TYW3: variants seen among roughly 807,000 people sequenced by gnomAD.
TYW3 encodes the protein tRNA wybutosine-synthesizing protein 3 homolog.
TYW3 carries 26 observed loss-of-function variants against 23.1 expected under a neutral mutation model. That is an observed-to-expected ratio of 1.13 (90% CI 0.83 to 1.56). TYW3 has a LOEUF of 1.56. Ranked by LOEUF, TYW3 falls within the 40% of genes most tolerant of loss-of-function variation. TYW3 has a pLI of 0.00. For missense variants in TYW3, 316 were observed against 311.9 expected, an observed-to-expected ratio of 1.01 and a Z score of -0.10; for synonymous variants, 102 against 105.7, an observed-to-expected ratio of 0.97 and a Z score of 0.21.
intron 3 of TYW3, 23 bp downstream of exon 3, chr1:74,738,811 C>T (rs1440977920): frequency 1.3e-6 from 2 of 1,579,828 alleles, no homozygotes; most frequent in Non-Finnish European, 8.7e-7. Flanking sequence ...TGTAATTGTA[C>T]TTGAATTTAT....
In TYW3 at chr1:74,748,830, A is replaced by T. The variant is rs1004107425; in HGVS notation, c.426+8A>T. 5 of 1,613,332 alleles carry T rather than the reference A, an allele frequency of 3.1e-6. No individual in the cohort carries two copies. The Admixed American group carries it at 8.3e-5, about 27-fold the overall frequency. On this transcript the variant is annotated splice_region_variant and intron_variant, in intron 4 of 5. Transcript: ENST00000370867. ...AGAGGAAAAACTATGTTGGTAAGAT[A>T]TTTTGTCAAAGAGTAATTTTTTTAG...
At chr1:74,753,745 A>G (rs1215542165) in intron 5 of TYW3, among the ~76,000 whole-genome samples, 1 of 152,216 alleles carries the variant, frequency 6.6e-6, no homozygotes, top group Non-Finnish European at 1.5e-5. Context: ...ATGGAGAATA[A>G]ACCTATAATC....
At chr1:74,736,766 A>G (rs1034702998) in intron 2 of TYW3, 144 bp downstream of exon 2, 3 of 628,238 alleles carry the variant, frequency 4.8e-6, no homozygotes, top group South Asian at 2.8e-5. Flanking sequence ...TTTCATTACA[A>G]TGGCTCTTTT....
chr1:74,733,213 G>A lies in TYW3; in HGVS notation c.-32G>A, dbSNP rs2024078295. 1 of 1,609,904 alleles carries A rather than the reference G, an allele frequency of 6.2e-7. No homozygotes were observed. On this transcript the variant is annotated 5_prime_UTR_variant, in exon 1 of 6. Transcript: ENST00000370867. Reference sequence around the variant, plus strand: ...CAGGGAGAGACGAGGCTACCATGAAGGAGCCGAGCGCAGACCCTGAGTCCG... The same window carrying A: ...CAGGGAGAGACGAGGCTACCATGAAAGAGCCGAGCGCAGACCCTGAGTCCG...
Position 74,764,086 on chromosome 1 carries a change from T to C in TYW3, c.753T>C (p.Asn251=), listed in dbSNP as rs758414252. 1.2e-6 allele frequency: 2 copies of C among 1,612,442 alleles called. No individual in the cohort carries two copies. Among genetic ancestry groups the C allele is most frequent in the Non-Finnish European group, 1.7e-6 (2 of 1,179,414 alleles). The change falls in exon 6 of 6, where the codon AAT becomes AAC. Residue 251 remains asparagine, a synonymous_variant. Coordinates refer to ENST00000370867, the MANE Select transcript of TYW3 (RefSeq NM_138467.3). ...ATGATGATGATGATCTAGGAATCAA[T>C]GTTACCATCTTCCCTGAAGATTACT... ...ENDDDDDLGI[N]VTIFPEDY is the part of the protein sequence containing the mutation.
intron 1 of TYW3, among the ~76,000 whole-genome samples, chr1:74,735,594 AATATAG>A (rs1417292411): frequency 6.6e-6 from 1 of 152,262 alleles, no homozygotes; most frequent in Admixed American, 6.5e-5. Context: ...GGATAAAGAA[AATATAG>A]ATAAGATGAA....
chr1:74,750,643 A>G (rs113978846), intron 4 of TYW3, among the ~76,000 whole-genome samples: 6,129 of 152,020 alleles, frequency 0.04, 204 homozygotes, highest in Non-Finnish European at 0.063. Flanking sequence ...TTTTGCATCT[A>G]CCTGTTTATG....
At chr1:74,734,646 C>G (rs1648075074) in intron 1 of TYW3, among the ~76,000 whole-genome samples, 1 of 152,076 alleles carries the variant, frequency 6.6e-6, no homozygotes, top group South Asian at 2.1e-4. Flanking sequence ...GGACATATCC[C>G]CTGAGGATAA....
At chr1:74,741,507 G>T (rs1648361642) in intron 3 of TYW3, among the ~76,000 whole-genome samples, 1 of 152,258 alleles carries the variant, frequency 6.6e-6, no homozygotes, top group South Asian at 2.1e-4. Flanking sequence ...ACCGAGTATG[G>T]TCCTTCCCAC....
intron 2 of TYW3, among the ~76,000 whole-genome samples, chr1:74,736,950 A>C (rs2100753709): frequency 6.6e-6 from 1 of 152,362 alleles, no homozygotes. Flanking sequence ...TGGAAAGAGA[A>C]GGGGATTAGC....
chr1:74,747,923 A>G (rs189534589), intron 3 of TYW3, among the ~76,000 whole-genome samples: 69 of 152,072 alleles, frequency 4.5e-4, no homozygotes, highest in African/African-American at 1.6e-3. Context: ...GTATATACAT[A>G]TATACATATA....
At position 74,736,534 on chromosome 1, in the gene TYW3, T is replaced by G; in HGVS notation, c.175-8T>G. 9 of 1,574,908 alleles carry G rather than the reference T, an allele frequency of 5.7e-6. No homozygotes were observed. The highest frequency in any genetic ancestry group is 7.8e-6 in the Non-Finnish European group (9 of 1,160,752). ...ATGAAACTTAAATTATGTTATTTTT[T>G]ATTTTAGGGTATAAATGGTTTTGAG... is the stretch of plus-strand genomic sequence containing the variant. On this transcript the variant is annotated splice_region_variant and splice_polypyrimidine_tract_variant and intron_variant, in intron 1 of 5. Coordinates refer to ENST00000370867, the MANE Select transcript of TYW3 (RefSeq NM_138467.3).
chr1:74,736,615 A>T lies in TYW3; in HGVS notation c.248A>T (p.Asp83Val). Reference protein sequence around the residue: ...LLVTHKLCVKDDVIVALKKAN... With the variant: ...LLVTHKLCVKVDVIVALKKAN... ...GTTACACACAAACTTTGTGTAAAAG[A>T]TGATGTGGTAAGTTTTAAAAAATAA... Residue 83 changes from aspartate to valine, a missense_variant, in exon 2 of 6, where the codon GAT becomes GTT. By Grantham distance (152) the Asp-to-Val change is radical. Transcript: ENST00000370867. 6.3e-7 allele frequency: 1 copy of T among 1,597,140 alleles called. No homozygotes were observed. The highest frequency in any genetic ancestry group is 8.5e-7 in the Non-Finnish European group (1 of 1,171,824).
Position 74,765,336 on chromosome 1 carries a change from C to G in TYW3, c.*1223C>G, listed in dbSNP as rs959508033. The stretch of plus-strand genomic sequence containing the variant: ...AGCAAGAGCTTAGGTAAGTTATAGT[C>G]CTTACCATTGGGTCTAAGGCAGTTT... On this transcript the variant is annotated 3_prime_UTR_variant, in exon 6 of 6. Transcript: ENST00000370867. 2 of 152,132 alleles carry G rather than the reference C, an allele frequency of 1.3e-5. No individual in the cohort carries two copies. Among genetic ancestry groups the G allele is most frequent in the African/African-American group, 2.4e-5 (1 of 41,436 alleles). The allele number at this position is 152,132 out of a possible 1,614,324, so 9.4% of individuals were successfully genotyped here. A position where few individuals can be genotyped will look rare whatever the true frequency, so the allele number is the denominator to read the frequency against.
Position 74,764,174 on chromosome 1 carries a change from C to A in TYW3, c.*61C>A. The stretch of plus-strand genomic sequence containing the variant: ...TAGTAGGTTTTATAAAGCTGCTCTT[C>A]ATAAGAGTATTTTAGTTTGTTGAGT... On this transcript the variant is annotated 3_prime_UTR_variant, in exon 6 of 6. Coordinates refer to ENST00000370867, the MANE Select transcript of TYW3 (RefSeq NM_138467.3). 1 of 1,436,378 alleles carries A rather than the reference C, an allele frequency of 7.0e-7. No homozygotes were observed. The highest frequency in any genetic ancestry group is 1.3e-5 in the South Asian group (1 of 78,900). 89.0% of individuals were successfully genotyped at this position (1,436,378 alleles called of 1,614,324 possible). A position where few individuals can be genotyped will look rare whatever the true frequency, so the allele number is the denominator to read the frequency against.
At chr1:74,749,098 A>G (rs977642778) in intron 4 of TYW3, among the ~76,000 whole-genome samples, 1 of 152,218 alleles carries the variant, frequency 6.6e-6, no homozygotes, top group African/African-American at 2.4e-5. Flanking sequence ...CCAAAGCACT[A>G]TGACATCATG....
At chr1:74,733,454 C>G in intron 1 of TYW3, 36 bp downstream of exon 1, 1 of 1,610,236 alleles carries the variant, frequency 6.2e-7, no homozygotes, top group Non-Finnish European at 8.5e-7. Flanking sequence ...CGCCTGCCTT[C>G]TAGTGCGAAA....
intron 3 of TYW3, among the ~76,000 whole-genome samples, chr1:74,743,769 CTGAGA>C (rs1482595550): frequency 6.6e-6 from 1 of 152,162 alleles, no homozygotes; most frequent in Non-Finnish European, 1.5e-5. Flanking sequence ...ATTTACTTGA[CTGAGA>C]TATCAGGTAT....
chr1:74,733,584 A>C, intron 1 of TYW3, 166 bp downstream of exon 1: 2 of 982,630 alleles, frequency 2.0e-6, no homozygotes, highest in Non-Finnish European at 2.4e-6. Context: ...CAGTGCTTCT[A>C]AAAGTTTAAC....
Sources: gnomAD v4.1 joint callset for allele counts (sites outside exome capture counted in the v4.1 genomes callset) on GRCh38, gnomAD v4.1.1 for gene constraint, MANE v1.5 for transcripts, NCBI Gene and HGNC (gene_info 2026-07-23, HGNC 2026-07-21) for gene names.